The following CCDC149 variants were observed in gnomAD, a reference collection of about 807,000 sequenced individuals.
CCDC149 encodes the protein coiled-coil domain-containing protein 149.
CCDC149 carries 45 observed loss-of-function variants against 59.9 expected under a neutral mutation model. The observed-to-expected ratio is 0.75, with a 90% CI of 0.59 to 0.96. The LOEUF (loss-of-function observed/expected upper bound fraction) is 0.96, where lower values mean the gene tolerates loss of function less well. Among genes scored for constraint, CCDC149 ranks in the 40% least tolerant of loss-of-function variants. The pLI, the probability that CCDC149 is intolerant of heterozygous loss-of-function variation, is 0.00. For synonymous variants in CCDC149, 245 were observed against 260.6 expected (o/e 0.94, Z 0.58); for missense variants, 584 against 664.7 (o/e 0.88, Z 1.33).
intron 3 of CCDC149, among the ~76,000 whole-genome samples, chr4:24,864,770 G>A (rs535038412): frequency 6.6e-6 from 1 of 152,116 alleles, no homozygotes; most frequent in Non-Finnish European, 1.5e-5. Context: ...GTTGATCCTT[G>A]AACAACACAG....
At chr4:24,956,546 T>C (rs112952960) in intron 1 of CCDC149, among the ~76,000 whole-genome samples, 74 of 152,232 alleles carry the variant, frequency 4.9e-4, no homozygotes, top group African/African-American at 1.7e-3. Context: ...CCTGGGGCCC[T>C]CCATGCCTAT....
chr4:24,956,221 ACACAAAC>A (rs1338885043), intron 1 of CCDC149, among the ~76,000 whole-genome samples: 4 of 9,682 alleles, frequency 4.1e-4, no homozygotes, highest in African/African-American at 2.1e-3. Context: ...AACCTAGTTA[ACACAAAC>A]TACACAAACT....
intron 3 of CCDC149, among the ~76,000 whole-genome samples, chr4:24,862,151 T>C (rs1718425704): frequency 6.6e-6 from 1 of 152,228 alleles, no homozygotes; most frequent in African/African-American, 2.4e-5. Flanking sequence ...GTGAAACTGT[T>C]GACCCCTCAA....
At chr4:24,971,666 A>C (rs1263712902) in intron 1 of CCDC149, among the ~76,000 whole-genome samples, 1 of 152,176 alleles carries the variant, frequency 6.6e-6, no homozygotes, top group Non-Finnish European at 1.5e-5. Flanking sequence ...CTCACCCACC[A>C]ACTCCCTTCC....
intron 1 of CCDC149, among the ~76,000 whole-genome samples, chr4:24,925,810 C>T (rs1287327614): frequency 6.6e-6 from 1 of 152,180 alleles, no homozygotes; most frequent in African/African-American, 2.4e-5. Flanking sequence ...CATATTTTCC[C>T]AGAGCCTATT....
intron 1 of CCDC149, among the ~76,000 whole-genome samples, chr4:24,888,911 A>G (rs1287605963): frequency 6.7e-6 from 1 of 148,624 alleles, no homozygotes; most frequent in African/African-American, 2.5e-5. Context: ...ATTCTCTAAG[A>G]TGACTTTTTT....
At chr4:24,871,251 T>A (rs927573990) in intron 3 of CCDC149, among the ~76,000 whole-genome samples, 9 of 152,134 alleles carry the variant, frequency 5.9e-5, no homozygotes, top group African/African-American at 2.2e-4. Context: ...GATAAATGTG[T>A]GTGTGTTGGG....
chr4:24,912,782 C>T, intron 1 of CCDC149, 35 bp downstream of exon 1: 1 of 1,264,314 alleles, frequency 7.9e-7, no homozygotes, highest in Non-Finnish European at 1.0e-6. Flanking sequence ...CCGCTCGGCC[C>T]GGCCCATCCC....
At chr4:24,863,722 C>T (rs1343445208) in intron 3 of CCDC149, among the ~76,000 whole-genome samples, 2 of 152,242 alleles carry the variant, frequency 1.3e-5, no homozygotes, top group African/African-American at 4.8e-5. Context: ...AGTCTTTGCT[C>T]ATAGGTTATG....
intron 1 of CCDC149, among the ~76,000 whole-genome samples, chr4:24,962,728 T>A (rs1723672245): frequency 6.6e-6 from 1 of 150,400 alleles, no homozygotes; most frequent in South Asian, 2.1e-4. Flanking sequence ...CACCGGGGCC[T>A]GTTGTGGGGT....
chr4:24,819,092 C>T (rs185834958), intron 12 of CCDC149, among the ~76,000 whole-genome samples: 1 of 152,200 alleles, frequency 6.6e-6, no homozygotes, highest in Non-Finnish European at 1.5e-5. Flanking sequence ...TCCAGAACAC[C>T]CTGCCTCCAG....
intron 1 of CCDC149, among the ~76,000 whole-genome samples, chr4:24,971,632 G>A (rs555783918): frequency 7.9e-5 from 12 of 152,132 alleles, no homozygotes; most frequent in Non-Finnish European, 1.5e-4. Context: ...ATGATTCCTC[G>A]AATGTTTTCC....
chr4:24,895,740 C>T (rs1416694352), intron 1 of CCDC149, among the ~76,000 whole-genome samples: 2 of 152,130 alleles, frequency 1.3e-5, no homozygotes, highest in South Asian at 2.1e-4. Context: ...TTTCTTGGAG[C>T]CTCTGCTCAG....
At chr4:24,841,194 G>T (rs1172404390) in intron 4 of CCDC149, among the ~76,000 whole-genome samples, 1 of 152,144 alleles carries the variant, frequency 6.6e-6, no homozygotes, top group East Asian at 1.9e-4. Context: ...CCAACAGGAG[G>T]CTCAGGTCGT....
intron 1 of CCDC149, among the ~76,000 whole-genome samples, chr4:24,964,024 A>C (rs1723722297): frequency 1.3e-5 from 2 of 152,062 alleles, no homozygotes; most frequent in Admixed American, 6.6e-5. Context: ...GTGAGATTCT[A>C]TCTCTACGAA....
Position 24,818,355 on chromosome 4 carries a change from C to T in CCDC149, c.1192+1504G>A, listed in dbSNP as rs551328624. 1.2e-4 allele frequency among the ~76,000 whole-genome samples: 19 copies of T among 152,258 alleles called. No homozygotes were observed. The South Asian group carries it at 3.9e-3, about 32-fold the overall frequency. Reference sequence around the variant, plus strand: ...GGGGCTCTGGGAAATGTGGGTGTAACTCTGCAGATGGAACCTTGTGGGGGA... The same window carrying T: ...GGGGCTCTGGGAAATGTGGGTGTAATTCTGCAGATGGAACCTTGTGGGGGA... On this transcript the variant is annotated intron_variant, in intron 12 of 12. Transcript: ENST00000635206.
chr4:24,957,520 G>A (rs1723502460), intron 1 of CCDC149, among the ~76,000 whole-genome samples: 1 of 152,208 alleles, frequency 6.6e-6, no homozygotes, highest in Non-Finnish European at 1.5e-5. Context: ...AAAGACTGGG[G>A]CCAGTGTACC....
At chr4:24,968,706 A>G (rs557642680) in intron 1 of CCDC149, among the ~76,000 whole-genome samples, 53 of 152,366 alleles carry the variant, frequency 3.5e-4, no homozygotes, top group Middle Eastern at 3.4e-3. Flanking sequence ...GTTTGAAACC[A>G]GGTGTGGACA....
chr4:24,923,008 C>T (rs544032684), intron 1 of CCDC149, among the ~76,000 whole-genome samples: 69 of 152,150 alleles, frequency 4.5e-4, no homozygotes, highest in African/African-American at 1.6e-3. Context: ...ACTCAGCATC[C>T]TATATACTTG....
Sources: gnomAD v4.1 joint callset for allele counts (sites outside exome capture counted in the v4.1 genomes callset) on GRCh38, gnomAD v4.1.1 for gene constraint, MANE v1.5 for transcripts, NCBI Gene and HGNC (gene_info 2026-07-23, HGNC 2026-07-21) for gene names.